The following PDE1A variants were observed in gnomAD, a reference collection of about 807,000 sequenced individuals.
The protein encoded by PDE1A is phosphodiesterase 1A.
In PDE1A, 35 loss-of-function variants were observed where a neutral mutation model predicts 61.7. That is an observed-to-expected ratio of 0.57 (90% CI 0.43 to 0.75). The LOEUF (loss-of-function observed/expected upper bound fraction) is 0.75. Among genes scored for constraint, PDE1A ranks in the 30% least tolerant of loss-of-function variants. The probability of loss-of-function intolerance (pLI) is 0.00; values close to 1 mark genes in which losing one functional copy is unlikely to be tolerated. For synonymous variants in PDE1A, 232 were observed against 213.2 expected (o/e 1.09, Z -0.77); for missense variants, 597 against 630.6 (o/e 0.95, Z 0.57).
chr2:182,183,959 A>G lies in PDE1A; in HGVS notation c.1516+1933T>C, dbSNP rs1445234781. 4.6e-5 allele frequency among the ~76,000 whole-genome samples: 7 copies of G among 151,788 alleles called. No individual in the cohort carries two copies. The East Asian group carries it at 1.4e-3, about 29-fold the overall frequency. On this transcript the variant is annotated intron_variant, in intron 13 of 13. Transcript: ENST00000351439. ...AATCATTAGAAAGCAGCCAATCAAA[A>G]ATGAATGAAGAAGGAAGGAAGGAAC...
chr2:182,212,960 G>A (rs1460431380), intron 7 of PDE1A, among the ~76,000 whole-genome samples: 1 of 150,586 alleles, frequency 6.6e-6, no homozygotes, highest in Non-Finnish European at 1.5e-5. Flanking sequence ...CACCTCTGGG[G>A]GCAGGGCACA....
chr2:182,150,260 A>G (rs1175580432), intron 13 of PDE1A, among the ~76,000 whole-genome samples: 1 of 152,184 alleles, frequency 6.6e-6, no homozygotes, highest in East Asian at 1.9e-4. Flanking sequence ...GACCCTCTCT[A>G]TATAACTCTG....
At chr2:182,540,724 G>A in the PDE1A span, among the ~76,000 whole-genome samples, 58 of 151,942 alleles carry the variant, frequency 3.8e-4, 1 homozygote, top group Non-Finnish European at 2.2e-4. Flanking sequence ...ACAGTTTGTC[G>A]AAAACTGGTA....
At chr2:182,455,484 A>G in intron 2 of PDE1A, among the ~76,000 whole-genome samples, 1 of 152,150 alleles carries the variant, frequency 6.6e-6, no homozygotes, top group Non-Finnish European at 1.5e-5. Context: ...ACTATTCACA[A>G]TAGCAAAGAC....
chr2:182,478,954 C>T (rs1482889563), intron 2 of PDE1A, among the ~76,000 whole-genome samples: 1 of 151,846 alleles, frequency 6.6e-6, no homozygotes, highest in Non-Finnish European at 1.5e-5. Context: ...TATAATGGCA[C>T]AATGTCTGAA....
chr2:182,331,351 T>G (rs1007791260), intron 1 of PDE1A, among the ~76,000 whole-genome samples: 11 of 152,228 alleles, frequency 7.2e-5, no homozygotes, highest in Non-Finnish European at 2.9e-5. Flanking sequence ...CCCATTTACA[T>G]TTAAGGTTAA....
chr2:182,461,692 AG>A (rs1300467010), intron 2 of PDE1A, among the ~76,000 whole-genome samples: 1 of 152,174 alleles, frequency 6.6e-6, no homozygotes, highest in Non-Finnish European at 1.5e-5. Context: ...GGAAATACGT[AG>A]GACCTATAAA....
At chr2:182,174,733 ATTTAT>A (rs79890830) in intron 13 of PDE1A, among the ~76,000 whole-genome samples, 9 of 151,420 alleles carry the variant, frequency 5.9e-5, no homozygotes, top group Middle Eastern at 3.4e-3. Context: ...TTTGTTTTTT[ATTTAT>A]TTTATTTTAT....
At chr2:182,452,295 T>A (rs1685578496) in intron 2 of PDE1A, among the ~76,000 whole-genome samples, 1 of 152,054 alleles carries the variant, frequency 6.6e-6, no homozygotes, top group Non-Finnish European at 1.5e-5. Context: ...ATTTGATTGA[T>A]CAGTCCCATT....
intron 13 of PDE1A, among the ~76,000 whole-genome samples, chr2:182,170,724 C>T (rs1313416695): frequency 2.6e-5 from 4 of 151,870 alleles, no homozygotes; most frequent in Admixed American, 2.6e-4. Flanking sequence ...TCTGACTAAA[C>T]AGGATAGTGA....
At chr2:182,447,295 G>A (rs1403186680) in intron 2 of PDE1A, among the ~76,000 whole-genome samples, 1 of 151,940 alleles carries the variant, frequency 6.6e-6, no homozygotes, top group Admixed American at 6.6e-5. Context: ...CCAAGCAGAT[G>A]AAGCTGGGAC....
the PDE1A span, among the ~76,000 whole-genome samples, chr2:182,685,712 A>T: frequency 6.6e-6 from 1 of 152,124 alleles, no homozygotes; most frequent in Non-Finnish European, 1.5e-5. Flanking sequence ...CTGTGATTAG[A>T]GCACAGACAT....
At chr2:182,554,173 T>C in the PDE1A span, among the ~76,000 whole-genome samples, 1 of 152,178 alleles carries the variant, frequency 6.6e-6, no homozygotes. Context: ...AGTCACACCA[T>C]TTTCCTTTGA....
At chr2:182,333,151 G>A (rs1438982568) in intron 1 of PDE1A, among the ~76,000 whole-genome samples, 2 of 152,156 alleles carry the variant, frequency 1.3e-5, no homozygotes, top group Non-Finnish European at 2.9e-5. Flanking sequence ...ACACTCCACT[G>A]TCAATATTAG....
At chr2:182,177,273 C>T (rs1684324848) in intron 13 of PDE1A, among the ~76,000 whole-genome samples, 1 of 152,140 alleles carries the variant, frequency 6.6e-6, no homozygotes, top group Admixed American at 6.6e-5. Context: ...ACCAGTTTCT[C>T]CTTGTACCTC....
intron 1 of PDE1A, among the ~76,000 whole-genome samples, chr2:182,403,377 A>G (rs2125463094): frequency 6.6e-6 from 1 of 151,752 alleles, no homozygotes; most frequent in Non-Finnish European, 1.5e-5. Context: ...AGGCGGGTGG[A>G]TCACAAGGTC....
the PDE1A span, among the ~76,000 whole-genome samples, chr2:182,685,956 A>G: frequency 6.6e-6 from 1 of 152,200 alleles, no homozygotes; most frequent in Non-Finnish European, 1.5e-5. Flanking sequence ...AGCAATCTTA[A>G]TCATCATATA....
chr2:182,501,176 A>G (rs913296524), intron 2 of PDE1A, among the ~76,000 whole-genome samples: 82 of 152,238 alleles, frequency 5.4e-4, no homozygotes, highest in African/African-American at 1.9e-3. Context: ...CGACCCTTAT[A>G]TAGTGACATA....
At chr2:182,237,708 T>C (rs748390122) in intron 3 of PDE1A, among the ~76,000 whole-genome samples, 15 of 152,048 alleles carry the variant, frequency 9.9e-5, no homozygotes, top group South Asian at 2.1e-4. Context: ...AGGAACAGCA[T>C]AGAGTGATCC....
Sources: gnomAD v4.1 joint callset for allele counts (sites outside exome capture counted in the v4.1 genomes callset) on GRCh38, gnomAD v4.1.1 for gene constraint, MANE v1.5 for transcripts, NCBI Gene and HGNC (gene_info 2026-07-23, HGNC 2026-07-21) for gene names.